SH3PXD2B: variants seen among roughly 807,000 people sequenced by gnomAD.
SH3PXD2B encodes SH3 and PX domains 2B, also known as SH3 and PX domain-containing protein 2B.
In SH3PXD2B, 37 loss-of-function variants were observed where a neutral mutation model predicts 73.1. The ratio of observed to expected loss-of-function variants is 0.51; its 90% CI spans 0.39 to 0.67. SH3PXD2B has a LOEUF of 0.67. Ranked by LOEUF, SH3PXD2B falls within the 30% of genes least tolerant of loss-of-function variation. The pLI, the probability that SH3PXD2B is intolerant of heterozygous loss-of-function variation, is 0.00. For synonymous variants in SH3PXD2B, 457 were observed against 480.5 expected (o/e 0.95, Z 0.64); for missense variants, 1,053 against 1,197.8 (o/e 0.88, Z 1.78).
intron 1 of SH3PXD2B, among the ~76,000 whole-genome samples, chr5:172,429,568 G>A (rs1254624581): frequency 6.6e-6 from 1 of 152,134 alleles, no homozygotes; most frequent in Non-Finnish European, 1.5e-5. Flanking sequence ...CAGAAGTCCC[G>A]GGTTTCCTCA....
At chr5:172,326,269 G>C (rs1454209445) in intron 12 of SH3PXD2B, among the ~76,000 whole-genome samples, 1 of 152,182 alleles carries the variant, frequency 6.6e-6, no homozygotes, top group Non-Finnish European at 1.5e-5. Context: ...TTAATATAGT[G>C]AAGTTCTGAA....
chr5:172,448,621 A>C (rs942229756), intron 1 of SH3PXD2B, among the ~76,000 whole-genome samples: 18 of 152,194 alleles, frequency 1.2e-4, no homozygotes, highest in Admixed American at 2.6e-4. Context: ...GTGGGTTGGA[A>C]AGACATGTGC....
At chr5:172,382,197 T>C in intron 4 of SH3PXD2B, 70 bp from the exon 5 acceptor site, 1 of 1,267,872 alleles carries the variant, frequency 7.9e-7, no homozygotes, top group African/African-American at 1.5e-5. Flanking sequence ...GCGCCTATAA[T>C]CCCAGCTACT....
At chr5:172,420,913 A>G (rs1321234565) in intron 2 of SH3PXD2B, among the ~76,000 whole-genome samples, 2 of 152,036 alleles carry the variant, frequency 1.3e-5, no homozygotes, top group Admixed American at 6.6e-5. Flanking sequence ...AAGCCAGATC[A>G]GGTGACACCA....
chr5:172,406,705 G>A (rs1300925809), intron 2 of SH3PXD2B, among the ~76,000 whole-genome samples: 1 of 152,174 alleles, frequency 6.6e-6, no homozygotes, highest in African/African-American at 2.4e-5. Flanking sequence ...GTATTTCTGG[G>A]TTGAGGTAAG....
chr5:172,444,418 G>T (rs969825082), intron 1 of SH3PXD2B, among the ~76,000 whole-genome samples: 1 of 152,136 alleles, frequency 6.6e-6, no homozygotes, highest in African/African-American at 2.4e-5. Context: ...TCTGTCACAT[G>T]CAATCCCAGA....
At chr5:172,414,094 T>C (rs1758761331) in intron 2 of SH3PXD2B, among the ~76,000 whole-genome samples, 2 of 152,214 alleles carry the variant, frequency 1.3e-5, no homozygotes, top group African/African-American at 4.8e-5. Flanking sequence ...TGGGGGCTTA[T>C]GGGCAGATAG....
chr5:172,374,932 C>T (rs2113356278), intron 5 of SH3PXD2B, among the ~76,000 whole-genome samples: 1 of 152,300 alleles, frequency 6.6e-6, no homozygotes, highest in South Asian at 2.1e-4. Flanking sequence ...TTCTTATTCC[C>T]ATTTTACAGA....
chr5:172,398,812 A>G (rs2113409555), intron 3 of SH3PXD2B, among the ~76,000 whole-genome samples: 1 of 152,324 alleles, frequency 6.6e-6, no homozygotes, highest in Non-Finnish European at 1.5e-5. Context: ...CCGCAGTCCC[A>G]GGACTGACCC....
At chr5:172,368,486 T>C (rs1226148652) in intron 6 of SH3PXD2B, among the ~76,000 whole-genome samples, 2 of 11,790 alleles carry the variant, frequency 1.7e-4, no homozygotes, top group African/African-American at 9.9e-4. Context: ...ATATATAAAA[T>C]ATATATATAT....
Position 172,431,010 on chromosome 5 carries a change from G to A in SH3PXD2B, c.76-8514C>T, listed in dbSNP as rs193127633. On this transcript the variant is annotated intron_variant, in intron 1 of 12. Coordinates refer to ENST00000311601, the MANE Select transcript of SH3PXD2B (RefSeq NM_001017995.3). ...GCCTCCCAAGTAGCTGGGATTACAG[G>A]CGCCCATCACCACTCCTGGCTAATT... Among the ~76,000 whole-genome samples the A allele has an allele frequency of 1.6e-3, 249 of 152,262 alleles. 1 individual carries two copies. The highest frequency in any genetic ancestry group is 3.0e-3 in the Non-Finnish European group (207 of 68,028).
At chr5:172,453,282 C>T (rs1314757889) in intron 1 of SH3PXD2B, among the ~76,000 whole-genome samples, 3 of 152,114 alleles carry the variant, frequency 2.0e-5, no homozygotes, top group Admixed American at 6.5e-5. Flanking sequence ...AGCCAGGCTC[C>T]GCCACTGCCC....
chr5:172,325,212 A>G (rs1489974376), exon 13 of SH3PXD2B: 1 of 1,253,660 alleles, frequency 8.0e-7, no homozygotes, highest in Non-Finnish European at 1.1e-6. Context: ...CCACGACAAA[A>G]AAAAATACAG....
rs151103801 is a variant in SH3PXD2B at position 172,338,795 on chromosome 5, C to T, written c.2310G>A (p.Ser770=). 28 of 1,614,112 alleles carry T rather than the reference C, an allele frequency of 1.7e-5. No individual in the cohort carries two copies. The highest frequency in any genetic ancestry group is 6.7e-5 in the Admixed American group (4 of 60,022). ...TGACCTCTGGGAGCGGCCTGGATGACGAAGAGGTTTTCTTTGGGGGAGGTG... is the reference window on the plus strand; with the variant it reads ...TGACCTCTGGGAGCGGCCTGGATGATGAAGAGGTTTTCTTTGGGGGAGGTG... ...RRPPPPKKTS[S]SSRPLPEVRG... Residue 770 remains serine (S), a synonymous_variant, in exon 13 of 13, where the codon TCG becomes TCA. Transcript: ENST00000311601. The surrounding 1 kb of genome is among the most constrained non-coding windows in gnomAD (Gnocchi z 5.1).
intron 2 of SH3PXD2B, among the ~76,000 whole-genome samples, chr5:172,416,331 C>CCGT (rs1554140703): frequency 7.0e-6 from 1 of 143,330 alleles, no homozygotes; most frequent in African/African-American, 2.6e-5. Flanking sequence ...CCTGTCTCTA[C>CCGT]TTTTTTTTTT....
In SH3PXD2B at chr5:172,454,489, C is replaced by G. The variant is rs1759890230; in HGVS notation, c.-137G>C. 4.2e-6 allele frequency: 1 copy of G among 238,418 alleles called. No homozygotes were observed. Among genetic ancestry groups the G allele is most frequent in the African/African-American group, 2.4e-5 (1 of 42,498 alleles). The allele number at this position is 238,418 out of a possible 1,614,324, so 14.8% of individuals were successfully genotyped here. The stretch of plus-strand genomic sequence containing the variant: ...AGCCGGGGCCGAGCACGAGCCGCCG[C>G]CGCCACCGCCGCCGCCCTTCGCTCG... On this transcript the variant is annotated 5_prime_UTR_variant, in exon 1 of 13. Transcript: ENST00000311601.
intron 12 of SH3PXD2B, among the ~76,000 whole-genome samples, chr5:172,340,270 TGG>T (rs941440284): frequency 1.3e-5 from 2 of 152,192 alleles, no homozygotes; most frequent in African/African-American, 4.8e-5. Context: ...CTCGGGGCCA[TGG>T]GGCTTGATCT....
At chr5:172,369,039 C>A (rs1411228644) in intron 6 of SH3PXD2B, among the ~76,000 whole-genome samples, 1 of 150,174 alleles carries the variant, frequency 6.7e-6, no homozygotes, top group Admixed American at 6.7e-5. Context: ...GGATTACAGG[C>A]ATGCACCACC....
downstream of SH3PXD2B, among the ~76,000 whole-genome samples, chr5:172,332,850 C>G (rs1756586425): frequency 6.6e-6 from 1 of 151,842 alleles, no homozygotes; most frequent in Non-Finnish European, 1.5e-5. Flanking sequence ...AGGCAGTGTG[C>G]TCCACCTCCC....
Sources: allele counts gnomAD v4.1 joint callset (sites outside exome capture counted in the v4.1 genomes callset), GRCh38; gene constraint gnomAD v4.1.1; non-coding constraint Gnocchi (gnomAD v3.1); transcripts MANE v1.5; gene names NCBI Gene and HGNC (gene_info 2026-07-23, HGNC 2026-07-21).